The following KCTD1 variants were observed in gnomAD, a reference collection of about 807,000 sequenced individuals.
The protein encoded by KCTD1 is BTB/POZ domain-containing protein KCTD1.
Under a neutral mutation model 66.0 loss-of-function variants are expected in KCTD1, and 24 were observed. The ratio of observed to expected loss-of-function variants is 0.36; its 90% CI spans 0.26 to 0.51. The LOEUF is 0.51. Among genes scored for constraint, KCTD1 ranks in the 20% least tolerant of loss-of-function variants. The pLI is 0.95. For synonymous variants in KCTD1, 511 were observed against 517.2 expected, an observed-to-expected ratio of 0.99 and a Z score of 0.16; for missense variants, 943 against 1,205.2, an observed-to-expected ratio of 0.78 and a Z score of 3.22.
At chr18:26,510,104 GTACAGTGAAC>G (rs1449610412) in intron 1 of KCTD1, among the ~76,000 whole-genome samples, 2 of 152,216 alleles carry the variant, frequency 1.3e-5, no homozygotes, top group Non-Finnish European at 2.9e-5. Context: ...CTAGCGAGAA[GTACAGTGAAC>G]TACTCTAAGG....
intron 1 of KCTD1, among the ~76,000 whole-genome samples, chr18:26,528,545 C>G (rs1454336340): frequency 6.6e-6 from 1 of 152,168 alleles, no homozygotes; most frequent in Non-Finnish European, 1.5e-5. Flanking sequence ...CCTCTAGAGC[C>G]CTGCCTTCCT....
rs1407868889 is a variant in KCTD1, at chr18:26,583,987, A to G, written c.-16+45160T>C. ...TGTTGTTTTGCATCCTCAAGTTAAC[A>G]TCAGTCCACAGATCAAGAAATAAAT... On this transcript the variant is annotated intron_variant, in intron 1 of 4. Coordinates refer to the KCTD1 transcript ENST00000317932. Among the ~76,000 whole-genome samples, 3 of 152,218 alleles carry G rather than the reference A, an allele frequency of 2.0e-5. No individual in the cohort carries two copies. In the East Asian group the frequency reaches 5.8e-4, roughly 29 times the overall value.
At chr18:26,597,639 C>G (rs893996601) in intron 1 of KCTD1, among the ~76,000 whole-genome samples, 1 of 150,694 alleles carries the variant, frequency 6.6e-6, no homozygotes, top group African/African-American at 2.4e-5. Flanking sequence ...ATGAACACAC[C>G]TAGTACTGAG....
intron 1 of KCTD1, among the ~76,000 whole-genome samples, chr18:26,602,752 T>G (rs951363194): frequency 2.0e-5 from 3 of 152,226 alleles, no homozygotes; most frequent in African/African-American, 7.2e-5. Flanking sequence ...ATGATCCACA[T>G]AAACTTAAGT....
chr18:26,553,539 G>A (rs1352172045), upstream of KCTD1, among the ~76,000 whole-genome samples: 1 of 152,184 alleles, frequency 6.6e-6, no homozygotes, highest in Admixed American at 6.5e-5. Flanking sequence ...CTGTATAGCA[G>A]AGTGGTGAAA....
At chr18:26,631,899 A>T (rs1987627500), upstream of KCTD1, among the ~76,000 whole-genome samples, 1 of 148,848 alleles carries the variant, frequency 6.7e-6, no homozygotes, top group Admixed American at 6.7e-5. Flanking sequence ...ATACAAAAAA[A>T]ATTAGCCGGG....
At chr18:26,597,315 A>G (rs989489262) in intron 1 of KCTD1, among the ~76,000 whole-genome samples, 1 of 151,898 alleles carries the variant, frequency 6.6e-6, no homozygotes, top group Non-Finnish European at 1.5e-5. Context: ...TGCACATGGG[A>G]GGAAGGAACA....
Position 26,548,174 on chromosome 18 carries a change from A to G in KCTD1, c.363T>C (p.His121=). ...AGEELEPEPV[H]MINMDQSAAL... The stretch of plus-strand genomic sequence containing the variant: ...CGGCGCTCTGGTCCATATTGATCAT[A>G]TGGACCGGCTCGGGCTCCAGCTCCT... Residue 121 remains histidine, a synonymous_variant, in exon 1 of 5, where the codon CAT becomes CAC. Coordinates refer to ENST00000580059, the MANE Select transcript of KCTD1 (RefSeq NM_001142730.3). 6.7e-7 allele frequency: 1 copy of G among 1,491,758 alleles called. No homozygotes were observed. The highest frequency in any genetic ancestry group is 8.9e-7 in the Non-Finnish European group (1 of 1,123,470). 92.4% of individuals were successfully genotyped at this position (1,491,758 alleles called of 1,614,324 possible).
At chr18:26,596,723 A>G (rs575632129) in intron 1 of KCTD1, among the ~76,000 whole-genome samples, 1 of 152,386 alleles carries the variant, frequency 6.6e-6, no homozygotes, top group East Asian at 1.9e-4. Flanking sequence ...TTTTGTGAAG[A>G]CTAAATCAAT....
At chr18:26,514,641 T>C (rs1983556023) in intron 1 of KCTD1, among the ~76,000 whole-genome samples, 1 of 151,970 alleles carries the variant, frequency 6.6e-6, no homozygotes, top group Non-Finnish European at 1.5e-5. Context: ...TCATGTGTCC[T>C]GTTGATAGGC....
intron 1 of KCTD1, among the ~76,000 whole-genome samples, chr18:26,654,100 G>C (rs12454836): frequency 5.9e-5 from 9 of 152,180 alleles, no homozygotes; most frequent in Admixed American, 5.2e-4. Context: ...CTATCACTCT[G>C]ATTCAGAAAC....
intron 4 of KCTD1, chr18:26,456,381 T>C (rs1026827919): frequency 2.0e-5 from 3 of 152,666 alleles, no homozygotes; most frequent in African/African-American, 7.2e-5. Flanking sequence ...TAGTCAGTGA[T>C]TCATTTGTAC....
intron 1 of KCTD1, among the ~76,000 whole-genome samples, chr18:26,616,428 C>G (rs749322912): frequency 6.6e-6 from 1 of 151,518 alleles, no homozygotes; most frequent in Non-Finnish European, 1.5e-5. Flanking sequence ...CGAGGCCCAT[C>G]TAAGACACAT....
At chr18:26,517,861 C>T (rs1469603852) in intron 1 of KCTD1, among the ~76,000 whole-genome samples, 2 of 152,236 alleles carry the variant, frequency 1.3e-5, no homozygotes, top group African/African-American at 4.8e-5. Context: ...TGAAAACAGA[C>T]TAACACAGCG....
At chr18:26,577,522 T>A (rs188987162) in intron 1 of KCTD1, among the ~76,000 whole-genome samples, 8 of 151,400 alleles carry the variant, frequency 5.3e-5, no homozygotes, top group Non-Finnish European at 1.2e-4. Context: ...TTCTTTCGGA[T>A]AAATTCATGA....
upstream of KCTD1, among the ~76,000 whole-genome samples, chr18:26,644,740 G>C (rs542955734): frequency 1.1e-4 from 16 of 151,188 alleles, no homozygotes; most frequent in Non-Finnish European, 1.2e-4. Flanking sequence ...CCTGGCAACA[G>C]AGTGAGACTC....
At chr18:26,471,169 T>C (rs1366792527) in intron 3 of KCTD1, among the ~76,000 whole-genome samples, 4 of 152,030 alleles carry the variant, frequency 2.6e-5, no homozygotes, top group Non-Finnish European at 5.9e-5. Flanking sequence ...CCTGCCTGAG[T>C]CACTACATTC....
chr18:26,504,796 T>C (rs529431602), intron 1 of KCTD1, among the ~76,000 whole-genome samples: 10 of 152,336 alleles, frequency 6.6e-5, no homozygotes, highest in Non-Finnish European at 1.0e-4. Context: ...TCCAGATGTT[T>C]CATCTAACAC....
At chr18:26,619,589 G>A (rs1005761259) in intron 1 of KCTD1, among the ~76,000 whole-genome samples, 3 of 152,124 alleles carry the variant, frequency 2.0e-5, no homozygotes, top group African/African-American at 7.2e-5. Context: ...GCTGGCTGTC[G>A]ACAGCTATTC....
Sources: allele counts gnomAD v4.1 joint callset (sites outside exome capture counted in the v4.1 genomes callset), GRCh38; gene constraint gnomAD v4.1.1; transcripts MANE v1.5; gene names NCBI Gene and HGNC (gene_info 2026-07-23, HGNC 2026-07-21).